Variants in ZNF469 observed in about 807,000 individuals in gnomAD.
The protein encoded by ZNF469 is zinc finger protein 469.
In ZNF469, 1 loss-of-function variant was observed where a neutral mutation model predicts 1.0. That is an observed-to-expected ratio of 1.00 (90% CI 0.35 to 4.73). ZNF469 has a LOEUF of 4.73. ZNF469 is among the 30% of genes most tolerant of loss of function. The probability of loss-of-function intolerance (pLI) is 0.16; values close to 1 mark genes in which losing one functional copy is unlikely to be tolerated. For synonymous variants in ZNF469, 2,703 were observed against 2,363.4 expected (o/e 1.14, Z -4.17); for missense variants, 6,100 against 5,356.3 (o/e 1.14, Z -4.33).
At chr16:88,296,399 C>A in the ZNF469 span, among the ~76,000 whole-genome samples, 1 of 152,116 alleles carries the variant, frequency 6.6e-6, no homozygotes, top group Non-Finnish European at 1.5e-5. Context: ...CATACAGACA[C>A]ATATGTGCAC....
the ZNF469 span, chr16:88,193,751 G>A: frequency 1.3e-5 from 2 of 152,282 alleles, no homozygotes; most frequent in South Asian, 2.1e-4. Flanking sequence ...AACAACAGAA[G>A]TTTCTTTCTC....
the ZNF469 span, among the ~76,000 whole-genome samples, chr16:88,211,876 C>T: frequency 6.6e-6 from 1 of 152,124 alleles, no homozygotes; most frequent in Non-Finnish European, 1.5e-5. Flanking sequence ...GGGAAGTTCA[C>T]CCAGCACCAT....
the ZNF469 span, among the ~76,000 whole-genome samples, chr16:88,154,929 G>A: frequency 0.013 from 1,936 of 152,320 alleles, 21 homozygotes; most frequent in Middle Eastern, 0.034. Context: ...GCTGGCAAGC[G>A]CTTCTGGGCA....
At chr16:88,295,894 C>G in the ZNF469 span, among the ~76,000 whole-genome samples, 1 of 152,196 alleles carries the variant, frequency 6.6e-6, no homozygotes, top group African/African-American at 2.4e-5. Context: ...AACCTGCGTT[C>G]TGTCGCCCCA....
the ZNF469 span, among the ~76,000 whole-genome samples, chr16:88,143,219 T>C: frequency 6.6e-6 from 1 of 152,156 alleles, no homozygotes; most frequent in South Asian, 2.1e-4. Context: ...TGCTTGATCG[T>C]TTTGTGCCTC....
At chr16:88,143,736 A>C in the ZNF469 span, among the ~76,000 whole-genome samples, 2 of 152,214 alleles carry the variant, frequency 1.3e-5, no homozygotes, top group South Asian at 4.1e-4. Context: ...GAACGTTGTG[A>C]ACAAGTCGCA....
chr16:88,307,123 G>A, the ZNF469 span, among the ~76,000 whole-genome samples: 1 of 152,206 alleles, frequency 6.6e-6, no homozygotes, highest in Non-Finnish European at 1.5e-5. Flanking sequence ...TGAAGCTGGT[G>A]TCTTTTACTC....
chr16:88,266,466 T>C, the ZNF469 span, among the ~76,000 whole-genome samples: 1 of 152,228 alleles, frequency 6.6e-6, no homozygotes, highest in Non-Finnish European at 1.5e-5. Context: ...GTCTCACGGT[T>C]GCTGGGGTAT....
the ZNF469 span, among the ~76,000 whole-genome samples, chr16:88,262,598 C>T: frequency 6.6e-6 from 1 of 152,118 alleles, no homozygotes; most frequent in African/African-American, 2.4e-5. The surrounding 1 kb of genome is among the most constrained non-coding windows in gnomAD (Gnocchi z 4.3). Flanking sequence ...CCTGCAGAGT[C>T]CCAGCAGAGA....
chr16:88,367,878 C>A, the ZNF469 span, among the ~76,000 whole-genome samples: 5 of 152,266 alleles, frequency 3.3e-5, no homozygotes, highest in African/African-American at 1.2e-4. Context: ...CAAAGCAGCC[C>A]CCACACTGCT....
chr16:88,236,844 A>C, the ZNF469 span, among the ~76,000 whole-genome samples: 2 of 146,516 alleles, frequency 1.4e-5, no homozygotes, highest in South Asian at 4.3e-4. Context: ...ACACAGCGAG[A>C]CTCTGTCTCA....
In ZNF469 at chr16:88,437,446, AC is replaced by A; in HGVS notation, c.9980del (p.Pro3327ArgfsTer111). 2 of 1,520,996 alleles carry A rather than the reference AC, an allele frequency of 1.3e-6. No homozygotes were observed. The highest frequency in any genetic ancestry group is 8.8e-7 in the Non-Finnish European group (1 of 1,130,176). The allele number at this position is 1,520,996 out of a possible 1,614,324, so 94.2% of individuals were successfully genotyped here. A position where few individuals can be genotyped will look rare whatever the true frequency, so the allele number is the denominator to read the frequency against. Reference sequence around the variant, plus strand: ...CGGCGGGGAGCCCCTCCTGCAAGCCACCCCGGTGCACGAGGCCTGCAAGGAC... The same window carrying A: ...CGGCGGGGAGCCCCTCCTGCAAGCCACCCGGTGCACGAGGCCTGCAAGGAC... ...WAGGEPLLQATPVHEACKDPS... is the reference protein window; with the variant it reads ...WAGGEPLLQAXPVHEACKDPS... On this transcript the variant is annotated frameshift_variant, in exon 3 of 3. Coordinates refer to ENST00000565624, the MANE Select transcript of ZNF469 (RefSeq NM_001367624.2). LOFTEE classifies it low-confidence loss of function (END_TRUNC).
Position 88,416,950 on chromosome 16 carries a change from C to A in ZNF469, c.-191-7857C>A, listed in dbSNP as rs543707845. Among the ~76,000 whole-genome samples, 413 of 152,332 alleles carry A rather than the reference C, an allele frequency of 2.7e-3. 3 individuals are homozygous for A. Among genetic ancestry groups the A allele is most frequent in the African/African-American group, 9.5e-3 (395 of 41,576 alleles). On this transcript the variant is annotated intron_variant, in intron 1 of 2. Transcript: ENST00000565624. ...CCTGGGACTGTCAGGTCAAGGTCAG[C>A]CACCCACACACTCAGGGCGTCCTCC...
the ZNF469 span, among the ~76,000 whole-genome samples, chr16:88,235,658 C>A: frequency 6.6e-6 from 1 of 152,222 alleles, no homozygotes; most frequent in Admixed American, 6.5e-5. Flanking sequence ...TCAAGGAATT[C>A]AGTATCTGAG....
Position 88,428,344 on chromosome 16 carries a change from G to T in ZNF469, c.874G>T (p.Val292Leu). ...CAGCACAAAACCCTTCCCTGCGGAT[G>T]TGGCTGGGCACGCATTCACCAATGG... ...GASTKPFPAD[V>L]AGHAFTNGPL... The change falls in exon 3 of 3, where the codon GTG (valine) becomes TTG (leucine). Residue 292 changes from valine to leucine, a missense_variant. By Grantham distance (32) the Val-to-Leu change is conservative. Transcript: ENST00000565624. The T allele has an allele frequency of 5.2e-6, 8 of 1,549,616 alleles. No individual in the cohort carries two copies. The highest frequency in any genetic ancestry group is 6.1e-6 in the Non-Finnish European group (7 of 1,146,920).
chr16:88,158,935 G>A, the ZNF469 span, among the ~76,000 whole-genome samples: 1,095 of 152,270 alleles, frequency 7.2e-3, 7 homozygotes, highest in African/African-American at 0.025. Context: ...GACCTCGCTG[G>A]GGCAGGGACC....
intron 1 of ZNF469, among the ~76,000 whole-genome samples, chr16:88,415,822 A>G (rs554366916): frequency 6.6e-6 from 1 of 152,288 alleles, no homozygotes; most frequent in South Asian, 2.1e-4. Context: ...GCCCCGCATG[A>G]TCATTGGACC....
chr16:88,256,727 A>G, the ZNF469 span, among the ~76,000 whole-genome samples: 1 of 152,088 alleles, frequency 6.6e-6, no homozygotes, highest in African/African-American at 2.4e-5. Flanking sequence ...TGGTGTTGTC[A>G]GAGTTCTGGG....
the ZNF469 span, among the ~76,000 whole-genome samples, chr16:88,216,764 A>C: frequency 2.0e-5 from 3 of 152,180 alleles, no homozygotes; most frequent in Non-Finnish European, 4.4e-5. Flanking sequence ...GATACTGATT[A>C]CTGGATGTTA....
Sources: gnomAD v4.1 joint callset for allele counts (sites outside exome capture counted in the v4.1 genomes callset) on GRCh38, gnomAD v4.1.1 for gene constraint, Gnocchi (gnomAD v3.1) non-coding constraint, MANE v1.5 for transcripts, NCBI Gene and HGNC (gene_info 2026-07-23, HGNC 2026-07-21) for gene names.